Variants in RBPJ observed in about 807,000 individuals in gnomAD.
RBPJ encodes the protein recombining binding protein suppressor of hairless.
RBPJ carries 9 observed loss-of-function variants against 67.8 expected under a neutral mutation model. The ratio of observed to expected loss-of-function variants is 0.13; its 90% CI spans 0.08 to 0.23. The LOEUF (loss-of-function observed/expected upper bound fraction) is 0.23, where lower values mean the gene tolerates loss of function less well. Ranked by LOEUF, RBPJ falls within the 10% of genes least tolerant of loss-of-function variation. The probability of loss-of-function intolerance (pLI) is 1.00; values close to 1 mark genes in which losing one functional copy is unlikely to be tolerated. For synonymous variants in RBPJ, 198 were observed against 203.3 expected (o/e 0.97, Z 0.22); for missense variants, 305 against 595.6 (o/e 0.51, Z 5.08).
At chr4:26,319,858 A>G (rs771581904), upstream of RBPJ, 6 of 1,584,596 alleles carry the variant, frequency 3.8e-6, no homozygotes, top group East Asian at 2.3e-5. Flanking sequence ...GAAAGGAAAG[A>G]GCAAAGGAGG....
At chr4:26,207,972 T>C (rs1348860346) in intron 1 of RBPJ, among the ~76,000 whole-genome samples, 1 of 152,174 alleles carries the variant, frequency 6.6e-6, no homozygotes, top group African/African-American at 2.4e-5. Flanking sequence ...ACAGACACTG[T>C]TTCCTATGGT....
At chr4:26,222,221 C>T (rs369435935) in intron 1 of RBPJ, among the ~76,000 whole-genome samples, 2 of 152,180 alleles carry the variant, frequency 1.3e-5, no homozygotes, top group East Asian at 3.9e-4. Context: ...AGGCCGGGCA[C>T]GGTGGCTCAT....
chr4:26,428,491 G>C, intron 7 of RBPJ: 1 of 393,240 alleles, frequency 2.5e-6, no homozygotes, highest in African/African-American at 2.1e-5. Context: ...TTTTTTAGAT[G>C]TTCAGGGAAG....
intron 1 of RBPJ, among the ~76,000 whole-genome samples, chr4:26,226,297 T>C (rs151043793): frequency 0.013 from 1,971 of 152,074 alleles, 18 homozygotes; most frequent in Middle Eastern, 0.02. Context: ...AGACCCTGTC[T>C]CTACAAAAAA....
chr4:26,205,264 T>C (rs370883312), intron 1 of RBPJ, among the ~76,000 whole-genome samples: 1 of 152,286 alleles, frequency 6.6e-6, no homozygotes, highest in Non-Finnish European at 1.5e-5. Context: ...GTGCCATCTT[T>C]CACTGCCAGC....
the RBPJ span, among the ~76,000 whole-genome samples, chr4:26,111,492 A>T: frequency 6.6e-6 from 1 of 152,188 alleles, no homozygotes; most frequent in Non-Finnish European, 1.5e-5. Flanking sequence ...AGCTGGCCAA[A>T]CAAGCTTTGC....
chr4:26,265,363 T>C (rs1720670590), intron 1 of RBPJ, among the ~76,000 whole-genome samples: 1 of 151,910 alleles, frequency 6.6e-6, no homozygotes, highest in Non-Finnish European at 1.5e-5. Flanking sequence ...ACCCTGTCTT[T>C]ACTAAAAATA....
At chr4:26,422,792 T>G (rs535125790) in intron 5 of RBPJ, among the ~76,000 whole-genome samples, 3 of 152,190 alleles carry the variant, frequency 2.0e-5, no homozygotes, top group African/African-American at 7.2e-5. Context: ...TCAACCAATC[T>G]TATCTTCATC....
the RBPJ span, among the ~76,000 whole-genome samples, chr4:26,156,299 G>A: frequency 6.6e-6 from 1 of 151,884 alleles, no homozygotes; most frequent in African/African-American, 2.4e-5. Flanking sequence ...GTCAGACTGA[G>A]TCTCAAGCAG....
the RBPJ span, among the ~76,000 whole-genome samples, chr4:26,149,969 T>C: frequency 6.6e-6 from 1 of 152,214 alleles, no homozygotes; most frequent in African/African-American, 2.4e-5. Flanking sequence ...TCCAGTGAGA[T>C]TGCAGTTAGC....
intron 2 of RBPJ, among the ~76,000 whole-genome samples, chr4:26,400,041 TTTACC>T (rs1382822332): frequency 6.6e-6 from 1 of 152,196 alleles, no homozygotes; most frequent in African/African-American, 2.4e-5. Context: ...GACTTCAAAA[TTTACC>T]TTATGTTTTA....
chr4:26,228,377 C>A (rs927575768), intron 1 of RBPJ, among the ~76,000 whole-genome samples: 9 of 152,206 alleles, frequency 5.9e-5, no homozygotes, highest in Admixed American at 2.0e-4. Flanking sequence ...CTCACACTCA[C>A]ACCCACACAT....
chr4:26,191,955 A>G (rs1471935754), intron 1 of RBPJ, among the ~76,000 whole-genome samples: 1 of 152,126 alleles, frequency 6.6e-6, no homozygotes, highest in Non-Finnish European at 1.5e-5. Context: ...CTGCTATGTA[A>G]ACTCTTCCAC....
intron 1 of RBPJ, among the ~76,000 whole-genome samples, chr4:26,242,158 T>C (rs1719658647): frequency 6.6e-6 from 1 of 151,908 alleles, no homozygotes; most frequent in Non-Finnish European, 1.5e-5. Flanking sequence ...GTTCTGAGAG[T>C]GTGGTCCAGC....
intron 1 of RBPJ, among the ~76,000 whole-genome samples, chr4:26,258,855 G>C (rs1418698039): frequency 6.6e-6 from 1 of 151,930 alleles, no homozygotes. Flanking sequence ...CCGGGCTGGA[G>C]TGCAGTGGTG....
intron 1 of RBPJ, among the ~76,000 whole-genome samples, chr4:26,221,064 C>T (rs868516935): frequency 6.6e-6 from 1 of 152,212 alleles, no homozygotes; most frequent in South Asian, 2.1e-4. Flanking sequence ...TTAATATCCA[C>T]AATCTTCCCC....
chr4:26,427,462 C>T (rs938022161), intron 7 of RBPJ, among the ~76,000 whole-genome samples: 3 of 152,040 alleles, frequency 2.0e-5, no homozygotes, highest in Non-Finnish European at 4.4e-5. Context: ...GAGTTGTCAA[C>T]CTTTAAATTT....
At chr4:26,161,991 C>A (rs1716092747), upstream of RBPJ, among the ~76,000 whole-genome samples, 1 of 152,240 alleles carries the variant, frequency 6.6e-6, no homozygotes, top group African/African-American at 2.4e-5. Flanking sequence ...TCTGGGTGAA[C>A]TGGAGTTAGT....
upstream of RBPJ, among the ~76,000 whole-genome samples, chr4:26,316,597 T>TTC (rs1379681244): frequency 1.2e-3 from 149 of 120,096 alleles, no homozygotes; most frequent in Middle Eastern, 4.5e-3. Flanking sequence ...ATATATATAA[T>TTC]ATATATATAC....
Sources: allele counts gnomAD v4.1 joint callset (sites outside exome capture counted in the v4.1 genomes callset), GRCh38; gene constraint gnomAD v4.1.1; transcripts MANE v1.5; gene names NCBI Gene and HGNC (gene_info 2026-07-23, HGNC 2026-07-21).